The following FSTL4 variants were observed in gnomAD, a reference collection of about 807,000 sequenced individuals.
FSTL4 encodes follistatin-related protein 4.
A neutral mutation model predicts 78.2 loss-of-function variants in FSTL4; 28 were observed. The ratio of observed to expected loss-of-function variants is 0.36; its 90% confidence interval spans 0.27 to 0.49. The LOEUF (loss-of-function observed/expected upper bound fraction) is 0.49. Among genes scored for constraint, FSTL4 ranks in the 20% least tolerant of loss-of-function variants. FSTL4 has a pLI of 0.98. For synonymous variants in FSTL4, 422 were observed against 440.5 expected (o/e 0.96, Z 0.53); for missense variants, 922 against 1,084.9 (o/e 0.85, Z 2.11).
chr5:133,428,205 T>A (rs77328002), intron 3 of FSTL4, among the ~76,000 whole-genome samples: 1,848 of 152,292 alleles, frequency 0.012, 30 homozygotes, highest in African/African-American at 0.042. Flanking sequence ...TTGCAGCCAA[T>A]GTGTGGAACT....
At chr5:133,660,582 A>G in the FSTL4 span, among the ~76,000 whole-genome samples, 1 of 152,164 alleles carries the variant, frequency 6.6e-6, no homozygotes, top group South Asian at 2.1e-4. Context: ...TACAGCCTAC[A>G]GAGAACTGAA....
chr5:133,709,126 C>G, the FSTL4 span, among the ~76,000 whole-genome samples: 1 of 152,226 alleles, frequency 6.6e-6, no homozygotes, highest in Non-Finnish European at 1.5e-5. Flanking sequence ...TGAAGCACAG[C>G]TGTCACATAC....
chr5:133,323,367 G>T (rs1444572936), intron 4 of FSTL4, among the ~76,000 whole-genome samples: 1 of 152,206 alleles, frequency 6.6e-6, no homozygotes, highest in African/African-American at 2.4e-5. Flanking sequence ...GAGGCCTGGG[G>T]TCTTCTCTTG....
chr5:133,295,958 G>A (rs1416482166), intron 6 of FSTL4, among the ~76,000 whole-genome samples: 1 of 152,126 alleles, frequency 6.6e-6, no homozygotes, highest in East Asian at 1.9e-4. Flanking sequence ...GTATGCTAAG[G>A]GTTTCCAAGT....
At chr5:133,308,562 T>C (rs370005124) in intron 6 of FSTL4, among the ~76,000 whole-genome samples, 12 of 152,322 alleles carry the variant, frequency 7.9e-5, no homozygotes, top group African/African-American at 2.4e-4. Context: ...TGAGATAGCA[T>C]GTGTGGAAGT....
At chr5:133,667,677 C>T in the FSTL4 span, among the ~76,000 whole-genome samples, 1 of 152,236 alleles carries the variant, frequency 6.6e-6, no homozygotes, top group Non-Finnish European at 1.5e-5. Context: ...ACTCCAACAT[C>T]ACCCTGACTA....
At chr5:133,629,184 G>C in the FSTL4 span, among the ~76,000 whole-genome samples, 1 of 151,568 alleles carries the variant, frequency 6.6e-6, no homozygotes, top group South Asian at 2.1e-4. Context: ...AGCATAAAGA[G>C]GTGTTGAATT....
intron 6 of FSTL4, among the ~76,000 whole-genome samples, chr5:133,293,944 T>C (rs1044095801): frequency 6.6e-6 from 1 of 152,200 alleles, no homozygotes; most frequent in Non-Finnish European, 1.5e-5. Context: ...TCTCTTTTAT[T>C]TGTCCATGGC....
At chr5:133,809,324 C>T in the FSTL4 span, among the ~76,000 whole-genome samples, 5 of 146,196 alleles carry the variant, frequency 3.4e-5, no homozygotes, top group South Asian at 2.2e-4. Context: ...AGAGATCGCA[C>T]CACTGCACTC....
At chr5:133,242,311 C>T (rs1161602173) in intron 7 of FSTL4, among the ~76,000 whole-genome samples, 2 of 152,088 alleles carry the variant, frequency 1.3e-5, no homozygotes, top group East Asian at 1.9e-4. Context: ...GGGGTAGGCT[C>T]CAATCTGTAG....
chr5:133,658,266 A>G, the FSTL4 span, among the ~76,000 whole-genome samples: 1 of 152,136 alleles, frequency 6.6e-6, no homozygotes, highest in South Asian at 2.1e-4. Context: ...CATTTTTAGG[A>G]TCAGGTTTAT....
chr5:133,750,567 C>T, the FSTL4 span, among the ~76,000 whole-genome samples: 11 of 152,078 alleles, frequency 7.2e-5, no homozygotes, highest in Admixed American at 2.0e-4. Flanking sequence ...ATCACAGGCT[C>T]GGGTCAGGGC....
intron 13 of FSTL4, among the ~76,000 whole-genome samples, chr5:133,214,350 A>T (rs1454829151): frequency 6.6e-6 from 1 of 152,252 alleles, no homozygotes; most frequent in East Asian, 1.9e-4. Context: ...GGAATCAATA[A>T]CAAAGAGGCA....
At chr5:133,257,601 A>G (rs539591282) in intron 6 of FSTL4, among the ~76,000 whole-genome samples, 66 of 152,328 alleles carry the variant, frequency 4.3e-4, no homozygotes, top group African/African-American at 1.4e-3. Flanking sequence ...AGGGGCTGTG[A>G]GATCACCATT....
At chr5:133,310,036 T>C (rs963081135) in intron 6 of FSTL4, among the ~76,000 whole-genome samples, 1 of 152,238 alleles carries the variant, frequency 6.6e-6, no homozygotes, top group African/African-American at 2.4e-5. Flanking sequence ...ATTACCTATT[T>C]AAAATTCGCT....
chr5:133,383,639 GCT>G (rs1476342423), intron 4 of FSTL4, among the ~76,000 whole-genome samples: 1 of 152,192 alleles, frequency 6.6e-6, no homozygotes, highest in African/African-American at 2.4e-5. Context: ...TCAAACATTT[GCT>G]CTGTTAATTG....
Position 133,277,726 on chromosome 5 carries a change from C to G in FSTL4, c.728-28150G>C, listed in dbSNP as rs6898849. On this transcript the variant is annotated intron_variant, in intron 6 of 15. Transcript: ENST00000265342. Reference sequence around the variant, plus strand: ...TGATGCTCTGGATAAAGCAGCCTCACGAGTGGGGCTGACTCTGGGGGATCC... The same window carrying G: ...TGATGCTCTGGATAAAGCAGCCTCAGGAGTGGGGCTGACTCTGGGGGATCC... Among the ~76,000 whole-genome samples the G allele has an allele frequency of 4.6e-3, 694 of 152,080 alleles. 3 individuals are homozygous for G. Among genetic ancestry groups the G allele is most frequent in the African/African-American group, 0.015 (619 of 41,470 alleles).
intron 3 of FSTL4, among the ~76,000 whole-genome samples, chr5:133,523,630 G>A (rs975779178): frequency 1.3e-5 from 2 of 152,154 alleles, no homozygotes; most frequent in African/African-American, 4.8e-5. Flanking sequence ...TATGTAAAGT[G>A]AGGTTGACAG....
At chr5:133,529,735 T>G (rs907033772) in intron 3 of FSTL4, among the ~76,000 whole-genome samples, 1 of 152,238 alleles carries the variant, frequency 6.6e-6, no homozygotes, top group Admixed American at 6.5e-5. Context: ...GGTAAAGTTC[T>G]GCTTCGTTGA....
Sources: gnomAD v4.1 joint callset for allele counts (sites outside exome capture counted in the v4.1 genomes callset) on GRCh38, gnomAD v4.1.1 for gene constraint, MANE v1.5 for transcripts, NCBI Gene and HGNC (gene_info 2026-07-23, HGNC 2026-07-21) for gene names.